DESI2: variants seen among roughly 807,000 people sequenced by gnomAD.
The protein encoded by DESI2 is deubiquitinase DESI2.
A neutral mutation model predicts 24.1 loss-of-function variants in DESI2; 10 were observed. The ratio of observed to expected loss-of-function variants is 0.41; its 90% CI spans 0.26 to 0.70. DESI2 has a LOEUF of 0.70. DESI2 is among the 30% of genes least tolerant of loss of function. The pLI, the probability that DESI2 is intolerant of heterozygous loss-of-function variation, is 0.29. For synonymous variants in DESI2, 71 were observed against 87.7 expected (o/e 0.81, Z 1.06); for missense variants, 122 against 234.9 (o/e 0.52, Z 3.14).
chr1:244,687,479 T>G (rs1342258345), intron 2 of DESI2, among the ~76,000 whole-genome samples: 1 of 152,234 alleles, frequency 6.6e-6, no homozygotes, highest in Non-Finnish European at 1.5e-5. Context: ...ATGCCTTTGT[T>G]CGCTTCAGCT....
chr1:244,658,119 T>C (rs950435275), intron 1 of DESI2, among the ~76,000 whole-genome samples: 1 of 152,250 alleles, frequency 6.6e-6, no homozygotes, highest in African/African-American at 2.4e-5. Context: ...TCTCTATTCA[T>C]ATAATAGCCT....
At chr1:244,685,141 TATAAA>T (rs1189619319) in intron 1 of DESI2, among the ~76,000 whole-genome samples, 3 of 152,196 alleles carry the variant, frequency 2.0e-5, no homozygotes, top group Non-Finnish European at 4.4e-5. Context: ...TATGTAGTTT[TATAAA>T]ATAAAAAGTT....
rs112928463 is a variant in DESI2, at chr1:244,676,591, T to A, written c.43-10006T>A. ...CCTGGCTGGAATCTCCAGCACAGTG[T>A]TTAACAGAAGTGGCAAGAGCAGACA... On this transcript the variant is annotated intron_variant, in intron 1 of 4. Coordinates refer to ENST00000302550, the MANE Select transcript of DESI2 (RefSeq NM_016076.5). Among the ~76,000 whole-genome samples, 550 of 151,974 alleles carry A rather than the reference T, an allele frequency of 3.6e-3. 2 individuals carry two copies. Among genetic ancestry groups the A allele is most frequent in the African/African-American group, 0.013 (525 of 41,498 alleles).
chr1:244,694,606 G>T, intron 4 of DESI2: 1 of 849,398 alleles, frequency 1.2e-6, no homozygotes, highest in Non-Finnish European at 2.1e-6. Flanking sequence ...CGCTTGGCGG[G>T]GTAGCCACAT....
At chr1:244,702,197 T>TG (rs1197848580) in intron 4 of DESI2, among the ~76,000 whole-genome samples, 1 of 152,192 alleles carries the variant, frequency 6.6e-6, no homozygotes, top group Non-Finnish European at 1.5e-5. Context: ...GACCTACTAA[T>TG]GGGTCATGAC....
At chr1:244,668,990 TAAA>T (rs1204773868) in intron 1 of DESI2, among the ~76,000 whole-genome samples, 7 of 152,118 alleles carry the variant, frequency 4.6e-5, no homozygotes, top group Non-Finnish European at 7.4e-5. Flanking sequence ...GAATGCTTCT[TAAA>T]AATATTTTGA....
Position 244,655,727 on chromosome 1 carries a change from G to T in DESI2, c.42+2372G>T, listed in dbSNP as rs539271915. The stretch of plus-strand genomic sequence containing the variant: ...CTTGAAGAATGGGTAGCATCCACAA[G>T]GACAGAGAACAATTGACGTGAACAA... On this transcript the variant is annotated intron_variant, in intron 1 of 4. Coordinates refer to ENST00000302550, the MANE Select transcript of DESI2 (RefSeq NM_016076.5). Among the ~76,000 whole-genome samples, 3 of 152,308 alleles carry T rather than the reference G, an allele frequency of 2.0e-5. 1 individual carries two copies. The South Asian group carries it at 6.2e-4, about 32-fold the overall frequency.
At chr1:244,681,719 A>C (rs1216180397) in intron 1 of DESI2, among the ~76,000 whole-genome samples, 1 of 152,232 alleles carries the variant, frequency 6.6e-6, no homozygotes, top group East Asian at 1.9e-4. Context: ...TTTTGTCCTT[A>C]GTATATATCT....
intron 1 of DESI2, among the ~76,000 whole-genome samples, chr1:244,679,906 C>G (rs1425119708): frequency 6.7e-6 from 1 of 149,758 alleles, no homozygotes; most frequent in African/African-American, 2.4e-5. Context: ...ACATTTTCTA[C>G]CTAACCATAG....
intron 4 of DESI2, among the ~76,000 whole-genome samples, chr1:244,701,134 A>G (rs916177865): frequency 2.0e-5 from 3 of 149,852 alleles, no homozygotes; most frequent in African/African-American, 7.4e-5. Context: ...AGATTGCAAA[A>G]GATGCGAAAT....
intron 1 of DESI2, among the ~76,000 whole-genome samples, chr1:244,660,159 TTTG>T (rs147855771): frequency 0.3 from 45,435 of 151,654 alleles, 7,115 homozygotes; most frequent in African/African-American, 0.4. Context: ...TTTTTCTTTT[TTTG>T]TTGTTGTTTT....
intron 4 of DESI2, among the ~76,000 whole-genome samples, chr1:244,701,200 A>C (rs1677436833): frequency 1.0e-5 from 1 of 99,792 alleles, no homozygotes; most frequent in Non-Finnish European, 1.9e-5. Flanking sequence ...GCATGACTGG[A>C]CCACCTTCCC....
intron 1 of DESI2, among the ~76,000 whole-genome samples, chr1:244,663,954 G>T (rs546522626): frequency 6.2e-4 from 91 of 147,892 alleles, no homozygotes; most frequent in Admixed American, 1.7e-3. Flanking sequence ...GGAGGCGGAG[G>T]TTGCAGTGAG....
At chr1:244,704,119 A>G (rs1199357674) in intron 4 of DESI2, among the ~76,000 whole-genome samples, 1 of 152,224 alleles carries the variant, frequency 6.6e-6, no homozygotes, top group East Asian at 1.9e-4. Flanking sequence ...TGTAATAAGC[A>G]TTAAGAGGTA....
At chr1:244,662,523 G>GT (rs886927349) in intron 1 of DESI2, among the ~76,000 whole-genome samples, 33 of 152,094 alleles carry the variant, frequency 2.2e-4, no homozygotes, top group East Asian at 1.5e-3. Flanking sequence ...AAAACAGGAT[G>GT]TTTTTTGTTT....
chr1:244,705,939 CA>C lies in DESI2; in HGVS notation c.*162del, dbSNP rs965982593. 0.14 allele frequency: 56,218 copies of C among 410,054 alleles called. 12 individuals carry two copies. Among genetic ancestry groups the C allele is most frequent in the South Asian group, 0.2 (5,511 of 27,550 alleles). 25.4% of individuals were successfully genotyped at this position (410,054 alleles called of 1,614,324 possible). ...TTCAGCTCAGGATTATATTTGTAAT[CA>C]AAAAAAAAAAATCACTTGGCGCAGG... is the stretch of plus-strand genomic sequence containing the variant. On this transcript the variant is annotated 3_prime_UTR_variant, in exon 5 of 5. Coordinates refer to ENST00000302550, the MANE Select transcript of DESI2 (RefSeq NM_016076.5).
At chr1:244,664,780 G>A (rs1412943746) in intron 1 of DESI2, among the ~76,000 whole-genome samples, 1 of 152,216 alleles carries the variant, frequency 6.6e-6, no homozygotes, top group Non-Finnish European at 1.5e-5. Flanking sequence ...CTTGGTAAGT[G>A]TATTTATAAG....
At chr1:244,668,487 C>G (rs896278852) in intron 1 of DESI2, among the ~76,000 whole-genome samples, 4 of 152,166 alleles carry the variant, frequency 2.6e-5, no homozygotes, top group Admixed American at 6.5e-5. Flanking sequence ...AGAAATAAGT[C>G]AAACACTTGC....
chr1:244,691,514 A>AT (rs1442891235), intron 3 of DESI2, among the ~76,000 whole-genome samples: 1 of 152,254 alleles, frequency 6.6e-6, no homozygotes, highest in Admixed American at 6.5e-5. Context: ...GGCAAGTGAA[A>AT]TTACGCAGGA....
Sources: allele counts gnomAD v4.1 joint callset (sites outside exome capture counted in the v4.1 genomes callset), GRCh38; gene constraint gnomAD v4.1.1; transcripts MANE v1.5; gene names NCBI Gene and HGNC (gene_info 2026-07-23, HGNC 2026-07-21).